CSTA: variants seen among roughly 807,000 people sequenced by gnomAD.
The protein encoded by CSTA is cystatin A.
Under a neutral mutation model 9.2 loss-of-function variants are expected in CSTA, and 9 were observed. That is an observed-to-expected ratio of 0.97 (90% CI 0.59 to 1.70). CSTA has a LOEUF of 1.70. CSTA is among the 40% of genes most tolerant of loss of function. The pLI is 0.00. For synonymous variants in CSTA, 36 were observed against 40.6 expected, an observed-to-expected ratio of 0.89 and a Z score of 0.43; for missense variants, 118 against 113.1, an observed-to-expected ratio of 1.04 and a Z score of -0.20.
chr3:122,326,166 A>G (rs972408045), intron 1 of CSTA, among the ~76,000 whole-genome samples: 10 of 152,130 alleles, frequency 6.6e-5, no homozygotes, highest in African/African-American at 2.4e-4. Flanking sequence ...TTACAGACAT[A>G]TGCCACCACG....
chr3:122,332,548 G>T (rs1356922723), intron 1 of CSTA, among the ~76,000 whole-genome samples: 2 of 152,178 alleles, frequency 1.3e-5, no homozygotes, highest in African/African-American at 4.8e-5. Context: ...TAGGGGAAAA[G>T]CCTGAGTGTT....
At chr3:122,339,794 G>T (rs1489610848) in intron 2 of CSTA, among the ~76,000 whole-genome samples, 1 of 152,194 alleles carries the variant, frequency 6.6e-6, no homozygotes, top group Non-Finnish European at 1.5e-5. Context: ...GTTTGAGGTT[G>T]CAGTGAGCTG....
intron 2 of CSTA, chr3:122,338,314 T>C (rs2075246979): frequency 6.6e-6 from 1 of 152,164 alleles, no homozygotes; most frequent in South Asian, 2.1e-4. Context: ...CAACCATGAA[T>C]ATTTGAGAGC....
intron 2 of CSTA, among the ~76,000 whole-genome samples, chr3:122,340,013 C>T (rs1001801228): frequency 9.2e-5 from 14 of 152,150 alleles, no homozygotes; most frequent in Non-Finnish European, 2.9e-5. Context: ...TTTCATTGCT[C>T]CACTTTTCTT....
chr3:122,330,819 G>A (rs1425691004), intron 1 of CSTA, among the ~76,000 whole-genome samples: 1 of 151,998 alleles, frequency 6.6e-6, no homozygotes, highest in Admixed American at 6.6e-5. Flanking sequence ...TGCCCTTTGG[G>A]AAATTAATAA....
At chr3:122,333,729 AG>A (rs774794480) in intron 1 of CSTA, among the ~76,000 whole-genome samples, 3,038 of 112,504 alleles carry the variant, frequency 0.027, 72 homozygotes, top group Non-Finnish European at 0.034. Flanking sequence ...AGAGAAAGAA[AG>A]AAAGAGAAAG....
intron 2 of CSTA, 111 bp from the exon 3 acceptor site, chr3:122,341,328 T>A: frequency 9.0e-7 from 1 of 1,106,774 alleles, no homozygotes; most frequent in South Asian, 1.3e-5. Flanking sequence ...GCAATGCTGT[T>A]CCTCAGCAGC....
intron 1 of CSTA, among the ~76,000 whole-genome samples, chr3:122,335,222 A>G (rs1315508898): frequency 2.0e-5 from 3 of 152,174 alleles, no homozygotes; most frequent in Non-Finnish European, 2.9e-5. Context: ...CCTCCATGGT[A>G]GACAGAATGA....
At chr3:122,332,456 T>C (rs1022266890) in intron 1 of CSTA, among the ~76,000 whole-genome samples, 6 of 152,236 alleles carry the variant, frequency 3.9e-5, no homozygotes, top group African/African-American at 1.4e-4. Flanking sequence ...ATGTAATTCA[T>C]CCACTTTGCC....
chr3:122,331,114 C>CAT (rs891596498), intron 1 of CSTA, among the ~76,000 whole-genome samples: 2 of 151,112 alleles, frequency 1.3e-5, no homozygotes, highest in African/African-American at 4.9e-5. Context: ...AACACACACA[C>CAT]ACACACACAC....
chr3:122,329,245 C>G (rs916179962), intron 1 of CSTA, among the ~76,000 whole-genome samples: 1 of 151,790 alleles, frequency 6.6e-6, no homozygotes. Context: ...GGATTACAGG[C>G]GTGAGCCACC....
chr3:122,332,198 C>G (rs1352075052), intron 1 of CSTA, among the ~76,000 whole-genome samples: 1 of 152,138 alleles, frequency 6.6e-6, no homozygotes, highest in South Asian at 2.1e-4. Flanking sequence ...TAAGAAAATG[C>G]CCCAGCTGAC....
chr3:122,341,599 A>T lies in CSTA; in HGVS notation c.*32A>T. 6.2e-7 allele frequency: 1 copy of T among 1,613,746 alleles called. No homozygotes were observed. Among genetic ancestry groups the T allele is most frequent in the Non-Finnish European group, 8.5e-7 (1 of 1,179,696 alleles). On this transcript the variant is annotated 3_prime_UTR_variant, in exon 3 of 3. Transcript: ENST00000264474. ...GTACCCAAAGTGTTCTGATTCCTTC[A>T]ACTGGCTACTGAGTCATGATCCTTG... is the stretch of plus-strand genomic sequence containing the variant.
chr3:122,336,365 A>G lies in CSTA; in HGVS notation c.67-1182A>G, dbSNP rs557966881. 3.9e-5 allele frequency among the ~76,000 whole-genome samples: 6 copies of G among 152,324 alleles called. No homozygotes were observed. In the South Asian group the frequency reaches 1.2e-3, roughly 32 times the overall value. On this transcript the variant is annotated intron_variant, in intron 1 of 2. Transcript: ENST00000264474. Reference sequence around the variant, plus strand: ...GGCATGTTGAAAGAACACAGGCATCAGGTGAAGGAGCTCCCAACGGCCAAA... The same window carrying G: ...GGCATGTTGAAAGAACACAGGCATCGGGTGAAGGAGCTCCCAACGGCCAAA...
intron 1 of CSTA, among the ~76,000 whole-genome samples, chr3:122,333,536 GAAAGAAGAAAGA>G (rs1394971558): frequency 4.0e-5 from 3 of 74,268 alleles, no homozygotes; most frequent in African/African-American, 1.5e-4. Context: ...AGAAAGAAAA[GAAAGAAGAAAGA>G]AAGAAAGAAA....
intron 2 of CSTA, 141 bp downstream of exon 2, chr3:122,337,789 G>A: frequency 1.4e-6 from 1 of 723,376 alleles, no homozygotes. Flanking sequence ...TCCAAGTGGT[G>A]GACTCTCAAA....
intron 2 of CSTA, among the ~76,000 whole-genome samples, chr3:122,339,458 C>T (rs1019165113): frequency 2.6e-5 from 4 of 152,180 alleles, no homozygotes; most frequent in Non-Finnish European, 4.4e-5. Context: ...CTAAAAAGAT[C>T]ACACAACTAC....
At position 122,337,603 on chromosome 3, in the gene CSTA, G is replaced by A. The variant is rs190245631; in HGVS notation, c.123G>A (p.Val41=). ...TNETYGKLEA[V]QYKTQVVAGT... ...AGACTTACGGAAAATTGGAAGCTGTGCAGTATAAAACTCAAGTTGTTGCTG... is the reference window on the plus strand; with the variant it reads ...AGACTTACGGAAAATTGGAAGCTGTACAGTATAAAACTCAAGTTGTTGCTG... The change falls in exon 2 of 3, where the codon GTG becomes GTA. Residue 41 remains valine (V), a synonymous_variant. Coordinates refer to ENST00000264474, the MANE Select transcript of CSTA (RefSeq NM_005213.4). The A allele has an allele frequency of 3.6e-5, 58 of 1,613,544 alleles. No individual in the cohort carries two copies. In the East Asian group the frequency reaches 1.2e-3, roughly 34 times the overall value.
chr3:122,337,118 C>A (rs1047385176), intron 1 of CSTA, among the ~76,000 whole-genome samples: 16 of 152,106 alleles, frequency 1.1e-4, no homozygotes, highest in Non-Finnish European at 2.2e-4. Context: ...GGTGATTATA[C>A]TATGTTATGT....
Sources: gnomAD v4.1 joint callset for allele counts (sites outside exome capture counted in the v4.1 genomes callset) on GRCh38, gnomAD v4.1.1 for gene constraint, MANE v1.5 for transcripts, NCBI Gene and HGNC (gene_info 2026-07-23, HGNC 2026-07-21) for gene names.